Variants in WDFY2 observed in about 807,000 individuals in gnomAD.
The protein encoded by WDFY2 is WD repeat and FYVE domain containing 2.
Under a neutral mutation model 56.4 loss-of-function variants are expected in WDFY2, and 36 were observed. The observed-to-expected ratio is 0.64, with a 90% CI of 0.49 to 0.84. The LOEUF is 0.84. WDFY2 is among the 40% of genes least tolerant of loss of function. The probability of loss-of-function intolerance (pLI) is 0.00; values close to 1 mark genes in which losing one functional copy is unlikely to be tolerated. For synonymous variants in WDFY2, 176 were observed against 183.7 expected, an observed-to-expected ratio of 0.96 and a Z score of 0.34; for missense variants, 444 against 512.2, an observed-to-expected ratio of 0.87 and a Z score of 1.29.
intron 4 of WDFY2, among the ~76,000 whole-genome samples, chr13:51,714,610 G>A (rs1449833338): frequency 1.3e-5 from 2 of 152,148 alleles, no homozygotes; most frequent in African/African-American, 4.8e-5. Context: ...CCTCTTAACA[G>A]TGTTGGTGGG....
intron 3 of WDFY2, among the ~76,000 whole-genome samples, chr13:51,688,815 T>A (rs1234600545): frequency 2.0e-5 from 3 of 152,240 alleles, no homozygotes; most frequent in Non-Finnish European, 4.4e-5. Flanking sequence ...AGTTTTGAGC[T>A]ATTTTTTCTT....
At chr13:51,716,017 GAT>G (rs138274016) in intron 4 of WDFY2, among the ~76,000 whole-genome samples, 1 of 151,678 alleles carries the variant, frequency 6.6e-6, no homozygotes. Context: ...AACAAAATGT[GAT>G]ATATATATAT....
At chr13:51,612,578 A>G (rs1954524211) in intron 1 of WDFY2, among the ~76,000 whole-genome samples, 1 of 152,240 alleles carries the variant, frequency 6.6e-6, no homozygotes, top group Non-Finnish European at 1.5e-5. Context: ...CAAAAAGTGT[A>G]TTAAACTCTG....
intron 2 of WDFY2, among the ~76,000 whole-genome samples, chr13:51,662,658 TA>T (rs1312057102): frequency 6.6e-6 from 1 of 152,202 alleles, no homozygotes; most frequent in African/African-American, 2.4e-5. Context: ...CATCATTTAG[TA>T]AGCTATATGC....
chr13:51,704,620 T>C (rs1202681509), intron 4 of WDFY2, among the ~76,000 whole-genome samples: 1 of 152,204 alleles, frequency 6.6e-6, no homozygotes, highest in African/African-American at 2.4e-5. Context: ...TTCTGCCCCT[T>C]CCCTTCTGTC....
chr13:51,595,681 A>G (rs1292089492), intron 1 of WDFY2, among the ~76,000 whole-genome samples: 1 of 152,208 alleles, frequency 6.6e-6, no homozygotes, highest in Non-Finnish European at 1.5e-5. Context: ...GAGCTTTGAT[A>G]TTTAGAAGAA....
chr13:51,696,856 C>T (rs1205078370), intron 3 of WDFY2, among the ~76,000 whole-genome samples: 1 of 152,166 alleles, frequency 6.6e-6, no homozygotes, highest in Non-Finnish European at 1.5e-5. Flanking sequence ...AAATGCAGAA[C>T]TTCCCAGCAT....
chr13:51,627,702 C>A (rs2138371818), intron 1 of WDFY2, among the ~76,000 whole-genome samples: 1 of 152,148 alleles, frequency 6.6e-6, no homozygotes, highest in South Asian at 2.1e-4. Flanking sequence ...AGTTCTAATC[C>A]CATGTCCAGG....
At chr13:51,652,304 A>G (rs1201122585) in intron 1 of WDFY2, among the ~76,000 whole-genome samples, 2 of 152,136 alleles carry the variant, frequency 1.3e-5, no homozygotes, top group African/African-American at 4.8e-5. Context: ...GTGTCTCTGC[A>G]TGTGAGATGG....
In WDFY2 at chr13:51,764,166, C is replaced by G. The variant is rs1200292091; in HGVS notation, c.*4397C>G. On this transcript the variant is annotated 3_prime_UTR_variant, in exon 12 of 12. Transcript: ENST00000298125. Reference sequence around the variant, plus strand: ...AGATGATCCCTGAGATTTGAATGTTCATGTCAACCGTGTTGAGCGCTCACC... The same window carrying G: ...AGATGATCCCTGAGATTTGAATGTTGATGTCAACCGTGTTGAGCGCTCACC... 1 of 152,154 alleles carries G rather than the reference C, an allele frequency of 6.6e-6. No individual in the cohort carries two copies. The highest frequency in any genetic ancestry group is 1.5e-5 in the Non-Finnish European group (1 of 68,038). 9.4% of individuals were successfully genotyped at this position (152,154 alleles called of 1,614,324 possible).
intron 3 of WDFY2, among the ~76,000 whole-genome samples, chr13:51,696,807 G>A (rs1329146832): frequency 6.6e-6 from 1 of 152,134 alleles, no homozygotes; most frequent in African/African-American, 2.4e-5. Context: ...TAAAAGAATG[G>A]AAGTCATAAA....
At chr13:51,632,353 C>T (rs553387983) in intron 1 of WDFY2, among the ~76,000 whole-genome samples, 18 of 151,880 alleles carry the variant, frequency 1.2e-4, no homozygotes, top group African/African-American at 3.9e-4. Flanking sequence ...TTTTTTTTCC[C>T]ATTATTTATT....
chr13:51,657,652 T>C (rs983851032), intron 1 of WDFY2, among the ~76,000 whole-genome samples: 28 of 152,170 alleles, frequency 1.8e-4, no homozygotes, highest in Admixed American at 1.3e-4. Context: ...TTATTCTTTT[T>C]TCTTTCTTCT....
chr13:51,704,409 C>G (rs1196693914), intron 4 of WDFY2, among the ~76,000 whole-genome samples: 8 of 152,048 alleles, frequency 5.3e-5, no homozygotes, highest in African/African-American at 1.9e-4. Context: ...AATAGTGAAC[C>G]AGACATGTAT....
intron 3 of WDFY2, among the ~76,000 whole-genome samples, chr13:51,701,219 A>G (rs929666655): frequency 2.6e-5 from 4 of 152,028 alleles, no homozygotes; most frequent in East Asian, 1.9e-4. Context: ...TTGTGTTTCT[A>G]TGATCAAAAA....
intron 1 of WDFY2, among the ~76,000 whole-genome samples, chr13:51,652,253 C>CTTCCAT (rs1955405692): frequency 3.3e-5 from 5 of 152,094 alleles, no homozygotes; most frequent in Admixed American, 3.3e-4. Context: ...TTTCCATTTG[C>CTTCCAT]TTGGTAGATC....
intron 3 of WDFY2, among the ~76,000 whole-genome samples, chr13:51,695,623 G>A (rs953980117): frequency 6.6e-6 from 1 of 152,200 alleles, no homozygotes; most frequent in East Asian, 1.9e-4. Context: ...AGGCTGCTCG[G>A]GGGTCAGGGG....
chr13:51,653,166 C>T (rs1469381483), intron 1 of WDFY2, among the ~76,000 whole-genome samples: 1 of 152,178 alleles, frequency 6.6e-6, no homozygotes, highest in African/African-American at 2.4e-5. Context: ...GATCTTCCAT[C>T]ACTGATACTC....
intron 1 of WDFY2, among the ~76,000 whole-genome samples, chr13:51,658,464 C>T (rs1955552600): frequency 6.6e-6 from 1 of 152,186 alleles, no homozygotes; most frequent in African/African-American, 2.4e-5. Flanking sequence ...CTGGTACAAG[C>T]AGGCCACTCA....
Sources: allele counts gnomAD v4.1 joint callset (sites outside exome capture counted in the v4.1 genomes callset), GRCh38; gene constraint gnomAD v4.1.1; transcripts MANE v1.5; gene names NCBI Gene and HGNC (gene_info 2026-07-23, HGNC 2026-07-21).